The following SANBR variants were observed in gnomAD, a reference collection of about 807,000 sequenced individuals.
The protein encoded by SANBR is SANT and BTB domain regulator of class switch recombination.
A neutral mutation model predicts 101.8 loss-of-function variants in SANBR; 77 were observed. That is an observed-to-expected ratio of 0.76 (90% CI 0.63 to 0.91). The LOEUF is 0.91. SANBR is among the 40% of genes least tolerant of loss of function. The pLI is 0.00. For synonymous variants in SANBR, 279 were observed against 274.7 expected (o/e 1.02, Z -0.15); for missense variants, 875 against 853.0 (o/e 1.03, Z -0.32).
chr2:61,078,532 C>T (rs1276319102), intron 6 of SANBR, among the ~76,000 whole-genome samples: 1 of 152,004 alleles, frequency 6.6e-6, no homozygotes, highest in Non-Finnish European at 1.5e-5. Flanking sequence ...AGCGGTTCTC[C>T]TGCCTCAGCC....
intron 1 of SANBR, among the ~76,000 whole-genome samples, chr2:61,067,203 A>G (rs1033656983): frequency 1.3e-5 from 2 of 152,246 alleles, no homozygotes; most frequent in Non-Finnish European, 2.9e-5. Flanking sequence ...GTACAGTTGT[A>G]TAAAGAGAAA....
chr2:61,130,623 A>T (rs999955135), intron 20 of SANBR, among the ~76,000 whole-genome samples: 2 of 152,170 alleles, frequency 1.3e-5, no homozygotes, highest in Non-Finnish European at 2.9e-5. Flanking sequence ...AAATTAATGT[A>T]ATACACTGTA....
intron 12 of SANBR, among the ~76,000 whole-genome samples, chr2:61,098,324 G>T (rs893069079): frequency 1.3e-5 from 2 of 151,938 alleles, no homozygotes; most frequent in African/African-American, 4.8e-5. Flanking sequence ...GGCTGGTCTC[G>T]AACTCATGAG....
At chr2:61,136,707 C>G (rs936774608) in intron 21 of SANBR, among the ~76,000 whole-genome samples, 3 of 150,768 alleles carry the variant, frequency 2.0e-5, no homozygotes, top group African/African-American at 4.9e-5. Context: ...CGTGGGGGCT[C>G]ATGCCTGTAA....
intron 8 of SANBR, among the ~76,000 whole-genome samples, chr2:61,087,235 C>G (rs1682482053): frequency 6.6e-6 from 1 of 152,062 alleles, no homozygotes; most frequent in Non-Finnish European, 1.5e-5. Context: ...TTCTCAAAAT[C>G]TTTAATGTTG....
In SANBR at chr2:61,071,640, G is replaced by C. The variant is rs1333816450; in HGVS notation, c.185G>C (p.Gly62Ala). The C allele has an allele frequency of 6.3e-7, 1 of 1,578,316 alleles. No homozygotes were observed. Among genetic ancestry groups the C allele is most frequent in the Non-Finnish European group, 8.6e-7 (1 of 1,168,970 alleles). The change falls in exon 4 of 22, where the codon GGA becomes GCA. Residue 62 changes from glycine (G) to alanine (A), a missense_variant. Physicochemically the swap from Gly to Ala is moderately conservative, Grantham distance 60. Transcript: ENST00000402291. ...AKRFDELKSS[G>A]SSPVDNQYNS... ...AGGTTTGATGAATTAAAGAGCAGTG[G>C]AAGCTCGCCTGTTGACAACCAGTAT...
intron 13 of SANBR, among the ~76,000 whole-genome samples, chr2:61,105,454 C>T (rs1683510558): frequency 1.3e-5 from 2 of 151,796 alleles, no homozygotes; most frequent in African/African-American, 4.8e-5. Context: ...GCAACCTCTG[C>T]CTCCCGGGTT....
chr2:61,097,846 T>TA lies in SANBR; in HGVS notation c.1360dup (p.Thr454AsnfsTer5). 3.1e-6 allele frequency: 5 copies of TA among 1,610,364 alleles called. No homozygotes were observed. Among genetic ancestry groups the TA allele is most frequent in the Non-Finnish European group, 4.2e-6 (5 of 1,178,014 alleles). On this transcript the variant is annotated frameshift_variant, in exon 12 of 22. Transcript: ENST00000402291. LOFTEE classifies it high-confidence loss of function. ...TTCTTCGGTTTGATCCTACTCAGCT[T>TA]ACAAAGGTGAATTTTGAATATTGCC...
At chr2:61,108,066 G>A (rs1386557473) in intron 14 of SANBR, among the ~76,000 whole-genome samples, 2 of 152,066 alleles carry the variant, frequency 1.3e-5, no homozygotes, top group Admixed American at 6.5e-5. Flanking sequence ...TTTCTTGTAC[G>A]TGATTTACTT....
chr2:61,069,595 T>A (rs1011044158), intron 2 of SANBR: 4 of 152,368 alleles, frequency 2.6e-5, no homozygotes, highest in Non-Finnish European at 4.4e-5. Context: ...ATCATAGATA[T>A]AACTAGTCAA....
chr2:61,081,997 C>A (rs772491004), intron 7 of SANBR, among the ~76,000 whole-genome samples: 4 of 151,984 alleles, frequency 2.6e-5, no homozygotes, highest in Non-Finnish European at 5.9e-5. Context: ...TTATTTGACT[C>A]TTTGGGGTTT....
At chr2:61,082,886 A>G (rs144993864) in intron 7 of SANBR, among the ~76,000 whole-genome samples, 26 of 152,302 alleles carry the variant, frequency 1.7e-4, no homozygotes, top group African/African-American at 5.1e-4. Flanking sequence ...TACCTGCCAC[A>G]ATTTTAAAAG....
At position 61,122,467 on chromosome 2, in the gene SANBR, G is replaced by T; in HGVS notation, c.*305G>T. 1 of 1,081,056 alleles carries T rather than the reference G, an allele frequency of 9.3e-7. No homozygotes were observed. The highest frequency in any genetic ancestry group is 1.1e-6 in the Non-Finnish European group (1 of 892,802). 67.0% of individuals were successfully genotyped at this position (1,081,056 alleles called of 1,614,324 possible). ...TCCTTTATTTATTTGAAAAAGAAAG[G>T]CCTAAACTGTCAGGTAGCCAAGTTT... On this transcript the variant is annotated 3_prime_UTR_variant, in exon 22 of 22. Coordinates refer to ENST00000402291, the MANE Select transcript of SANBR (RefSeq NM_001129993.3).
intron 1 of SANBR, among the ~76,000 whole-genome samples, chr2:61,068,486 G>A (rs1024257449): frequency 1.3e-5 from 2 of 152,060 alleles, no homozygotes; most frequent in Non-Finnish European, 2.9e-5. Flanking sequence ...GACAGTGTGC[G>A]GGTGCTTTAT....
chr2:61,066,388 G>A (rs1573573211), intron 1 of SANBR: 1 of 152,466 alleles, frequency 6.6e-6, no homozygotes, highest in South Asian at 2.1e-4. Context: ...GTGCCTCCAC[G>A]GGCGGGAGCG....
intron 21 of SANBR, 65 bp downstream of exon 21, chr2:61,121,341 A>C (rs1684323180): frequency 9.2e-7 from 1 of 1,087,312 alleles, no homozygotes; most frequent in African/African-American, 1.6e-5. Context: ...TTTAAGATAA[A>C]TCATATGAAC....
At chr2:61,119,663 A>G (rs1372108790) in intron 20 of SANBR, among the ~76,000 whole-genome samples, 1 of 152,228 alleles carries the variant, frequency 6.6e-6, no homozygotes, top group Admixed American at 6.5e-5. Context: ...AATGTAAATT[A>G]AAACCTAAAT....
chr2:61,133,940 A>T (rs1404239553), intron 20 of SANBR, among the ~76,000 whole-genome samples: 1 of 152,246 alleles, frequency 6.6e-6, no homozygotes, highest in Non-Finnish European at 1.5e-5. Flanking sequence ...ATTGTATGAT[A>T]TGTGGATTAT....
At chr2:61,101,940 G>A (rs1683305445) in intron 12 of SANBR, among the ~76,000 whole-genome samples, 1 of 150,278 alleles carries the variant, frequency 6.7e-6, no homozygotes, top group African/African-American at 2.5e-5. Flanking sequence ...CGGGAGGCAG[G>A]AGAATCGCTT....
Sources: allele counts gnomAD v4.1 joint callset (sites outside exome capture counted in the v4.1 genomes callset), GRCh38; gene constraint gnomAD v4.1.1; transcripts MANE v1.5; gene names NCBI Gene and HGNC (gene_info 2026-07-23, HGNC 2026-07-21).